TFCP2L1: variants seen among roughly 807,000 people sequenced by gnomAD.
The protein encoded by TFCP2L1 is transcription factor CP2-like protein 1.
In TFCP2L1, 12 loss-of-function variants were observed where a neutral mutation model predicts 72.2. The observed-to-expected ratio is 0.17, with a 90% CI of 0.11 to 0.27. The LOEUF is 0.27. Among genes scored for constraint, TFCP2L1 ranks in the 10% least tolerant of loss-of-function variants. The pLI is 1.00. For synonymous variants in TFCP2L1, 260 were observed against 251.0 expected, an observed-to-expected ratio of 1.04 and a Z score of -0.34; for missense variants, 488 against 624.6, an observed-to-expected ratio of 0.78 and a Z score of 2.33.
chr2:121,238,249 A>G (rs1003554437), intron 8 of TFCP2L1, among the ~76,000 whole-genome samples: 1 of 152,132 alleles, frequency 6.6e-6, no homozygotes, highest in African/African-American at 2.4e-5. Flanking sequence ...GGCTACCACC[A>G]AACTCAAGGG....
intron 2 of TFCP2L1, among the ~76,000 whole-genome samples, chr2:121,252,448 C>T (rs1364638749): frequency 6.6e-6 from 1 of 152,194 alleles, no homozygotes; most frequent in East Asian, 1.9e-4. Flanking sequence ...TCCTAATCCC[C>T]GGAACCTGGA....
At chr2:121,229,549 T>A (rs990848748) in intron 13 of TFCP2L1, among the ~76,000 whole-genome samples, 1 of 152,106 alleles carries the variant, frequency 6.6e-6, no homozygotes, top group Admixed American at 6.5e-5. Flanking sequence ...ACCTGTGAAA[T>A]ACACAAACCC....
chr2:121,225,034 G>C (rs1433733837), intron 14 of TFCP2L1, among the ~76,000 whole-genome samples: 2 of 151,850 alleles, frequency 1.3e-5, no homozygotes, highest in East Asian at 3.9e-4. Context: ...GACAAGGTGG[G>C]AAGTGGCCTC....
rs2104721632 is a variant in TFCP2L1, at chr2:121,257,072, A to G, written c.215-7425T>C. ...CTCCAAAGTCCTGGCCCAACCCTAC[A>G]CTGTCAGGCTGTTAAAGGCCATTTA... is the stretch of plus-strand genomic sequence containing the variant. On this transcript the variant is annotated intron_variant, in intron 2 of 14. Coordinates refer to ENST00000263707, the MANE Select transcript of TFCP2L1 (RefSeq NM_014553.3). Among the ~76,000 whole-genome samples the G allele has an allele frequency of 1.3e-5, 2 of 152,280 alleles. 1 individual carries two copies. Among genetic ancestry groups the G allele is most frequent in the South Asian group, 4.1e-4 (2 of 4,828 alleles).
rs1406465069 is a variant in TFCP2L1 at position 121,218,180 on chromosome 2, T to C, written c.*6161A>G. On this transcript the variant is annotated 3_prime_UTR_variant, in exon 15 of 15. Transcript: ENST00000263707. ...TTTCAGAGCCAAGAGGCAAAATCAA[T>C]ATTATGTTGGCGTAAGAGCAAACAA... 2 of 152,222 alleles carry C rather than the reference T, an allele frequency of 1.3e-5. No individual in the cohort carries two copies. Among genetic ancestry groups the C allele is most frequent in the Non-Finnish European group, 2.9e-5 (2 of 68,036 alleles). 9.4% of individuals were successfully genotyped at this position (152,222 alleles called of 1,614,324 possible). A position where few individuals can be genotyped will look rare whatever the true frequency, so the allele number is the denominator to read the frequency against.
At chr2:121,238,911 C>A (rs1250687916) in intron 8 of TFCP2L1, among the ~76,000 whole-genome samples, 1 of 152,052 alleles carries the variant, frequency 6.6e-6, no homozygotes, top group African/African-American at 2.4e-5. Flanking sequence ...CTCTGACGAA[C>A]CTGCAAGCAG....
rs1685898532 is a variant in TFCP2L1, at chr2:121,219,868, G to C, written c.*4473C>G. 6.6e-6 allele frequency: 1 copy of C among 152,176 alleles called. No homozygotes were observed. The highest frequency in any genetic ancestry group is 2.1e-4 in the South Asian group (1 of 4,834). The allele number at this position is 152,176 out of a possible 1,614,324, so 9.4% of individuals were successfully genotyped here. A position where few individuals can be genotyped will look rare whatever the true frequency, so the allele number is the denominator to read the frequency against. ...TTCAGAGATCACCAAGCCTGTATTT[G>C]TAAGAGGAGGAGATAGAGACCCAGA... On this transcript the variant is annotated 3_prime_UTR_variant, in exon 15 of 15. Transcript: ENST00000263707.
intron 7 of TFCP2L1, 94 bp downstream of exon 7, chr2:121,242,265 C>T (rs78757444): frequency 1.8e-6 from 2 of 1,098,824 alleles, no homozygotes; most frequent in Non-Finnish European, 2.8e-6. Context: ...GAAGTAGTCA[C>T]CCGAGATGGG....
intron 6 of TFCP2L1, among the ~76,000 whole-genome samples, chr2:121,243,502 G>C (rs1686419857): frequency 6.6e-6 from 1 of 152,214 alleles, no homozygotes; most frequent in Non-Finnish European, 1.5e-5. Flanking sequence ...GCAGGTGAGT[G>C]AGCGAAGCTT....
rs530903524 is a variant in TFCP2L1, at chr2:121,221,173, A to G, written c.*3168T>C. On this transcript the variant is annotated 3_prime_UTR_variant, in exon 15 of 15. Coordinates refer to ENST00000263707, the MANE Select transcript of TFCP2L1 (RefSeq NM_014553.3). ...AATGGGCTATGGTGACCCTGAGCAC[A>G]TTATTCCACTTCTAGGTGATTCAGT... is the stretch of plus-strand genomic sequence containing the variant. 6.6e-6 allele frequency: 1 copy of G among 152,346 alleles called. No homozygotes were observed. Among genetic ancestry groups the G allele is most frequent in the East Asian group, 1.9e-4 (1 of 5,182 alleles). 9.4% of individuals were successfully genotyped at this position (152,346 alleles called of 1,614,324 possible).
intron 13 of TFCP2L1, among the ~76,000 whole-genome samples, chr2:121,230,036 G>T (rs774975143): frequency 6.6e-6 from 1 of 152,172 alleles, no homozygotes; most frequent in African/African-American, 2.4e-5. Flanking sequence ...TCCAGGGTCA[G>T]GTGGGGCTCT....
intron 1 of TFCP2L1, among the ~76,000 whole-genome samples, chr2:121,282,045 G>A (rs1233000615): frequency 1.3e-5 from 2 of 151,974 alleles, no homozygotes; most frequent in Non-Finnish European, 2.9e-5. Context: ...CAATTCTTGT[G>A]CCTCAGCTTC....
chr2:121,270,978 T>C (rs541574013), intron 2 of TFCP2L1, among the ~76,000 whole-genome samples: 2 of 151,412 alleles, frequency 1.3e-5, no homozygotes, highest in Admixed American at 6.6e-5. Flanking sequence ...TTACTTGAAG[T>C]CAGGAGTTCG....
At chr2:121,271,211 A>C (rs1044151877) in intron 2 of TFCP2L1, among the ~76,000 whole-genome samples, 1 of 151,996 alleles carries the variant, frequency 6.6e-6, no homozygotes, top group Non-Finnish European at 1.5e-5. Flanking sequence ...AAAAAAAAAA[A>C]AACAAAAAAG....
At chr2:121,247,790 A>T (rs995459642) in intron 5 of TFCP2L1, among the ~76,000 whole-genome samples, 9 of 152,304 alleles carry the variant, frequency 5.9e-5, no homozygotes, top group Non-Finnish European at 1.0e-4. Flanking sequence ...CTCACATGGC[A>T]TATAACACAA....
intron 1 of TFCP2L1, among the ~76,000 whole-genome samples, chr2:121,284,335 A>G (rs1687322894): frequency 6.6e-6 from 1 of 152,216 alleles, no homozygotes; most frequent in African/African-American, 2.4e-5. Context: ...CAGAACAGGG[A>G]AAAACAATCC....
At chr2:121,283,497 A>C (rs901479090) in intron 1 of TFCP2L1, among the ~76,000 whole-genome samples, 5 of 152,070 alleles carry the variant, frequency 3.3e-5, no homozygotes, top group Non-Finnish European at 5.9e-5. Context: ...AGAAGCCAAT[A>C]TGGCTTTACA....
intron 13 of TFCP2L1, among the ~76,000 whole-genome samples, chr2:121,226,131 C>T (rs148867898): frequency 6.9e-6 from 1 of 145,760 alleles, no homozygotes; most frequent in African/African-American, 2.8e-5. Context: ...ACGGTAAACA[C>T]CACTGCCACG....
At chr2:121,233,816 G>T (rs1686191107) in intron 12 of TFCP2L1, among the ~76,000 whole-genome samples, 1 of 152,216 alleles carries the variant, frequency 6.6e-6, no homozygotes, top group East Asian at 1.9e-4. Context: ...AATCCTGACT[G>T]CCACTGACTG....
Sources: gnomAD v4.1 joint callset for allele counts (sites outside exome capture counted in the v4.1 genomes callset) on GRCh38, gnomAD v4.1.1 for gene constraint, MANE v1.5 for transcripts, NCBI Gene and HGNC (gene_info 2026-07-23, HGNC 2026-07-21) for gene names.